DCAF4: variants seen among roughly 807,000 people sequenced by gnomAD.
The protein encoded by DCAF4 is DDB1- and CUL4-associated factor 4.
Under a neutral mutation model 60.9 loss-of-function variants are expected in DCAF4, and 37 were observed. That is an observed-to-expected ratio of 0.61 (90% CI 0.47 to 0.80). The LOEUF is 0.80. Among genes scored for constraint, DCAF4 ranks in the 30% least tolerant of loss-of-function variants. The pLI is 0.00. For missense variants in DCAF4, 577 were observed against 650.0 expected, an observed-to-expected ratio of 0.89 and a Z score of 1.22; for synonymous variants, 243 against 254.8, an observed-to-expected ratio of 0.95 and a Z score of 0.44.
Position 72,951,818 on chromosome 14 carries a change from C to CA in DCAF4, c.750dup (p.Glu251ArgfsTer17). On this transcript the variant is annotated frameshift_variant, in exon 9 of 14. Transcript: ENST00000358377. LOFTEE classifies it high-confidence loss of function. Reference sequence around the variant, plus strand: ...TCCAGGCTATGCCTCATGGGACTCGCAGAGACTCCAGGCTGTGCCACCCTG... The same window carrying CA: ...TCCAGGCTATGCCTCATGGGACTCGCAAGAGACTCCAGGCTGTGCCACCCTG... The CA allele has an allele frequency of 6.2e-7, 1 of 1,614,126 alleles. No individual in the cohort carries two copies.
At chr14:72,960,687 T>C (rs1303586651), downstream of DCAF4, 13 of 1,064,940 alleles carry the variant, frequency 1.2e-5, no homozygotes, top group South Asian at 6.8e-5. Context: ...ACAGGAGAAG[T>C]TGGGCAGAGA....
chr14:72,943,913 C>G (rs2535914), intron 6 of DCAF4, among the ~76,000 whole-genome samples: 5 of 151,944 alleles, frequency 3.3e-5, no homozygotes, highest in Middle Eastern at 3.2e-3. Flanking sequence ...CCCAGGAGAC[C>G]GCCACAGCAG....
At chr14:72,941,282 T>C (rs1270434503) in intron 4 of DCAF4, among the ~76,000 whole-genome samples, 1 of 152,204 alleles carries the variant, frequency 6.6e-6, no homozygotes, top group East Asian at 1.9e-4. Context: ...CTATTTTAAA[T>C]AGAAGACCAG....
At chr14:72,958,541 A>G (rs1892585466) in intron 13 of DCAF4, 71 bp from the exon 14 acceptor site, 14 of 1,571,520 alleles carry the variant, frequency 8.9e-6, no homozygotes, top group Non-Finnish European at 8.7e-6. Context: ...TTGGGAAGCC[A>G]TGTCCACATG....
At chr14:72,942,041 G>C in intron 5 of DCAF4, 1 of 500,482 alleles carries the variant, frequency 2.0e-6, no homozygotes, top group Non-Finnish European at 3.5e-6. Context: ...TCTTGCAGGA[G>C]GATAGGGAGA....
intron 1 of DCAF4, chr14:72,935,122 T>C (rs558118309): frequency 6.6e-6 from 1 of 152,318 alleles, no homozygotes; most frequent in Admixed American, 6.5e-5. Context: ...GAGAATGAAC[T>C]GTGTTTGTGT....
intron 1 of DCAF4, among the ~76,000 whole-genome samples, chr14:72,928,913 C>G (rs1050650529): frequency 1.3e-5 from 2 of 152,164 alleles, no homozygotes; most frequent in African/African-American, 4.8e-5. Context: ...GCCCCTCCCC[C>G]ATTCTGAGTT....
intron 8 of DCAF4, 41 bp from the exon 9 acceptor site, chr14:72,951,756 AG>A (rs1891445484): frequency 5.0e-6 from 8 of 1,598,128 alleles, no homozygotes; most frequent in Non-Finnish European, 6.9e-6. Context: ...CTCCTCCCAG[AG>A]GGGAGCCTTG....
intron 13 of DCAF4, 24 bp from the exon 14 acceptor site, chr14:72,958,588 C>T (rs201185368): frequency 1.2e-6 from 2 of 1,613,688 alleles, no homozygotes; most frequent in Admixed American, 1.7e-5. Context: ...CACTAGCCTG[C>T]CATGTGTCTC....
intron 1 of DCAF4, among the ~76,000 whole-genome samples, chr14:72,928,210 T>TTTTTTTTTTTTG (rs1887927990): frequency 1.4e-5 from 2 of 141,398 alleles, no homozygotes. Context: ...TTTTTTTTTT[T>TTTTTTTTTTTTG]GATACGGAAT....
At chr14:72,932,098 C>T (rs1306860488) in intron 1 of DCAF4, among the ~76,000 whole-genome samples, 4 of 151,806 alleles carry the variant, frequency 2.6e-5, no homozygotes, top group Non-Finnish European at 5.9e-5. Context: ...AAGCGATTCT[C>T]CTGCCTCAGC....
In DCAF4 at chr14:72,939,845, G is replaced by A. The variant is rs759510779; in HGVS notation, c.136G>A (p.Gly46Ser). The A allele has an allele frequency of 1.1e-5, 17 of 1,613,008 alleles. No individual in the cohort carries two copies. The highest frequency in any genetic ancestry group is 2.2e-5 in the East Asian group (1 of 44,836). The change falls in exon 3 of 14, where the codon GGT becomes AGT. Residue 46 changes from glycine to serine, a missense_variant. By Grantham distance (56) the Gly-to-Ser change is moderately conservative. Transcript: ENST00000358377. ...AAQPAHDSGH[G>S]DDESPSTSSG... ...ACAGCCCGCTCACGATTCCGGCCAC[G>A]GTGATGACGAGTCTCCGTCAACCTC...
intron 3 of DCAF4, 99 bp from the exon 4 acceptor site, chr14:72,940,121 C>G: frequency 6.7e-7 from 1 of 1,492,306 alleles, no homozygotes; most frequent in Non-Finnish European, 9.3e-7. Context: ...TCAGAAAAGA[C>G]AGGCAGCCAC....
At chr14:72,960,015 A>T (rs1892742334), downstream of DCAF4, among the ~76,000 whole-genome samples, 1 of 152,022 alleles carries the variant, frequency 6.6e-6, no homozygotes, top group Non-Finnish European at 1.5e-5. Context: ...GCAACTCTTC[A>T]TTTGTCCCTT....
At chr14:72,942,063 C>A in intron 5 of DCAF4, 1 of 471,310 alleles carries the variant, frequency 2.1e-6, no homozygotes, top group African/African-American at 2.0e-5. Context: ...AGGATGGGGA[C>A]GTAGGCAGAG....
chr14:72,941,375 A>G (rs542084106), intron 4 of DCAF4, among the ~76,000 whole-genome samples: 34 of 152,232 alleles, frequency 2.2e-4, no homozygotes, highest in Non-Finnish European at 4.4e-4. Context: ...TTTGTTGTCA[A>G]GGTAGGCAAT....
chr14:72,955,783 C>T, intron 12 of DCAF4, 87 bp downstream of exon 12: 2 of 1,266,844 alleles, frequency 1.6e-6, no homozygotes, highest in Non-Finnish European at 1.1e-6. Flanking sequence ...GAGGTCCTCA[C>T]ACCAAGACCC....
At chr14:72,931,110 T>C (rs1228053502) in intron 1 of DCAF4, among the ~76,000 whole-genome samples, 2 of 152,202 alleles carry the variant, frequency 1.3e-5, no homozygotes, top group African/African-American at 4.8e-5. Flanking sequence ...ATAATATGAA[T>C]TTAGGATCTG....
chr14:72,954,296 G>GC (rs775707723), intron 10 of DCAF4, 34 bp downstream of exon 10: 1 of 1,613,044 alleles, frequency 6.2e-7, no homozygotes, highest in East Asian at 2.2e-5. Context: ...CAGAGAAGAG[G>GC]CCTTAACAGG....
Sources: gnomAD v4.1 joint callset for allele counts (sites outside exome capture counted in the v4.1 genomes callset) on GRCh38, gnomAD v4.1.1 for gene constraint, MANE v1.5 for transcripts, NCBI Gene and HGNC (gene_info 2026-07-23, HGNC 2026-07-21) for gene names.